Variants in FAXDC2 observed in about 807,000 individuals in gnomAD.
The protein encoded by FAXDC2 is fatty acid hydroxylase domain-containing protein 2.
A neutral mutation model predicts 40.9 loss-of-function variants in FAXDC2; 41 were observed. The ratio of observed to expected loss-of-function variants is 1.00; its 90% confidence interval spans 0.78 to 1.30. The LOEUF (loss-of-function observed/expected upper bound fraction) is 1.30. Ranked by LOEUF, FAXDC2 falls within the 50% of genes most tolerant of loss-of-function variation. FAXDC2 has a pLI of 0.00. For missense variants in FAXDC2, 390 were observed against 408.8 expected, an observed-to-expected ratio of 0.95 and a Z score of 0.40; for synonymous variants, 157 against 149.3, an observed-to-expected ratio of 1.05 and a Z score of -0.38.
rs1309140876 is a variant in FAXDC2 at position 154,819,293 on chromosome 5, A to G, written c.*1023T>C. On this transcript the variant is annotated 3_prime_UTR_variant, in exon 9 of 9. Transcript: ENST00000326080. ...AGGCCAGGATGGGGACTTCAACCCA[A>G]GCAGCTGTGGTTTTGCCTTTGATAA... 6.6e-6 allele frequency: 1 copy of G among 152,190 alleles called. No homozygotes were observed. The highest frequency in any genetic ancestry group is 1.5e-5 in the Non-Finnish European group (1 of 68,038). 9.4% of individuals were successfully genotyped at this position (152,190 alleles called of 1,614,324 possible).
chr5:154,837,828 G>A (rs1760388202), intron 2 of FAXDC2, among the ~76,000 whole-genome samples: 1 of 152,182 alleles, frequency 6.6e-6, no homozygotes, highest in South Asian at 2.1e-4. Flanking sequence ...GTTTTCCAAA[G>A]GCCCGAGGCA....
At position 154,820,456 on chromosome 5, in the gene FAXDC2, CA is replaced by C. The variant is rs1256756863; in HGVS notation, c.861del (p.Tyr287Ter). ...DYHHLKFNQC[Y>X]GVLGVLDHLH... ...AGGTGGTCCAGCACACCCAGCACCC[CA>C]TAGCACTGGTTGAACCTAGAAGAGA... On this transcript the variant is annotated frameshift_variant, in exon 9 of 9. Coordinates refer to ENST00000326080, the MANE Select transcript of FAXDC2 (RefSeq NM_032385.5). LOFTEE classifies it high-confidence loss of function. The C allele has an allele frequency of 6.2e-7, 1 of 1,611,996 alleles. No individual in the cohort carries two copies. Among genetic ancestry groups the C allele is most frequent in the East Asian group, 2.2e-5 (1 of 44,808 alleles).
Position 154,839,153 on chromosome 5 carries a change from A to C in FAXDC2, c.1-975T>G, listed in dbSNP as rs2088530551. On this transcript the variant is annotated intron_variant, in intron 1 of 8. Coordinates refer to ENST00000326080, the MANE Select transcript of FAXDC2 (RefSeq NM_032385.5). ...CCAGCCTGGCCAACACCGCAAAACC[A>C]CATCTCTACTGAAAACACAAAAATT... Among the ~76,000 whole-genome samples the C allele has an allele frequency of 1.3e-5, 2 of 151,434 alleles. 1 individual carries two copies. Among genetic ancestry groups the C allele is most frequent in the South Asian group, 4.2e-4 (2 of 4,782 alleles).
chr5:154,830,289 T>C (rs1247224810), intron 5 of FAXDC2: 1 of 153,496 alleles, frequency 6.5e-6, no homozygotes, highest in Non-Finnish European at 1.5e-5. Context: ...GGATTTGCCC[T>C]GGTGCCTTTC....
At chr5:154,825,100 T>TA (rs1759989216) in intron 5 of FAXDC2, among the ~76,000 whole-genome samples, 1 of 149,406 alleles carries the variant, frequency 6.7e-6, no homozygotes, top group African/African-American at 2.5e-5. Flanking sequence ...CGCTGTGGCT[T>TA]ACGCCTGTAA....
intron 1 of FAXDC2, among the ~76,000 whole-genome samples, chr5:154,845,517 G>C (rs1760577239): frequency 6.6e-6 from 1 of 152,102 alleles, no homozygotes; most frequent in Non-Finnish European, 1.5e-5. Context: ...CACTTTGAGA[G>C]GCTGAAGCGG....
At chr5:154,820,747 C>T in intron 8 of FAXDC2, 1 of 336,962 alleles carries the variant, frequency 3.0e-6, no homozygotes, top group Non-Finnish European at 5.6e-6. Context: ...CAGAACTAGG[C>T]TTCTTCAGGT....
intron 8 of FAXDC2, 78 bp downstream of exon 8, chr5:154,821,173 TGAGATACCA>T (rs1759878195): frequency 8.9e-7 from 1 of 1,122,590 alleles, no homozygotes; most frequent in Non-Finnish European, 1.3e-6. Flanking sequence ...ACATGTAAAC[TGAGATACCA>T]GTGCCTGCTA....
Position 154,822,514 on chromosome 5 carries a change from G to A in FAXDC2, c.636C>T (p.Pro212=). ...IHKKHHEWTA[P]IGVISLYAHP... ...GGGCATAGAGAGAGATCACGCCAAT[G>A]GGAGCTGTCCACTCATGGTGTTTCT... Residue 212 remains proline, a synonymous_variant, in exon 7 of 9, where the codon CCC becomes CCT. Coordinates refer to ENST00000326080, the MANE Select transcript of FAXDC2 (RefSeq NM_032385.5). 2 of 1,614,126 alleles carry A rather than the reference G, an allele frequency of 1.2e-6. No homozygotes were observed. Among genetic ancestry groups the A allele is most frequent in the Non-Finnish European group, 8.5e-7 (1 of 1,179,974 alleles).
chr5:154,819,275 G>C lies in FAXDC2; in HGVS notation c.*1041C>G, dbSNP rs1236945676. Reference sequence around the variant, plus strand: ...TGTCTGGCGGCTGAGAGGAGGCCAGGATGGGGACTTCAACCCAAGCAGCTG... The same window carrying C: ...TGTCTGGCGGCTGAGAGGAGGCCAGCATGGGGACTTCAACCCAAGCAGCTG... On this transcript the variant is annotated 3_prime_UTR_variant, in exon 9 of 9. Transcript: ENST00000326080. 2 of 152,184 alleles carry C rather than the reference G, an allele frequency of 1.3e-5. No individual in the cohort carries two copies. Among genetic ancestry groups the C allele is most frequent in the Non-Finnish European group, 2.9e-5 (2 of 68,032 alleles). 9.4% of individuals were successfully genotyped at this position (152,184 alleles called of 1,614,324 possible).
At chr5:154,841,864 T>C (rs546301773) in intron 1 of FAXDC2, among the ~76,000 whole-genome samples, 273 of 152,100 alleles carry the variant, frequency 1.8e-3, no homozygotes, top group Non-Finnish European at 2.5e-3. Context: ...GTCTCCCAAG[T>C]AGCTGGGATT....
rs1301663919 is a variant in FAXDC2, at chr5:154,821,497, C to G, written c.679-71G>C. ...GGACTTAGTTGGGTATACACTTAGT[C>G]CCAAGGTGGTACCAGAGGCAAACTT... On this transcript the variant is annotated intron_variant, in intron 7 of 8. Transcript: ENST00000326080. 3.1e-6 allele frequency: 4 copies of G among 1,284,668 alleles called. No homozygotes were observed. The African/African-American group carries it at 6.2e-5, about 20-fold the overall frequency. 79.6% of individuals were successfully genotyped at this position (1,284,668 alleles called of 1,614,324 possible).
intron 5 of FAXDC2, chr5:154,824,200 C>T (rs1759962677): frequency 4.5e-6 from 2 of 448,326 alleles, no homozygotes; most frequent in Admixed American, 6.9e-5. Context: ...GTCCACTGTA[C>T]AGAGCTGGTC....
At chr5:154,841,045 G>A (rs1003454124) in intron 1 of FAXDC2, among the ~76,000 whole-genome samples, 20 of 152,268 alleles carry the variant, frequency 1.3e-4, no homozygotes, top group African/African-American at 3.6e-4. Flanking sequence ...GAGAAATACC[G>A]AGGCATCTGA....
intron 7 of FAXDC2, among the ~76,000 whole-genome samples, chr5:154,821,769 G>A (rs937508655): frequency 6.6e-6 from 1 of 151,962 alleles, no homozygotes; most frequent in Non-Finnish European, 1.5e-5. Context: ...AAAATAGCAG[G>A]ATCCCGACTC....
At chr5:154,843,498 T>C (rs1160772433) in intron 1 of FAXDC2, among the ~76,000 whole-genome samples, 1 of 152,204 alleles carries the variant, frequency 6.6e-6, no homozygotes, top group Non-Finnish European at 1.5e-5. Flanking sequence ...GGGCTAGAGG[T>C]CTATGCCAGA....
chr5:154,828,607 T>TC (rs920660044), intron 5 of FAXDC2, among the ~76,000 whole-genome samples: 2 of 150,846 alleles, frequency 1.3e-5, no homozygotes, highest in African/African-American at 4.9e-5. Context: ...GTTTTTTTTT[T>TC]CCCCCTAGAG....
intron 7 of FAXDC2, 109 bp from the exon 8 acceptor site, chr5:154,821,535 T>C: frequency 1.3e-6 from 1 of 785,264 alleles, no homozygotes; most frequent in Non-Finnish European, 2.0e-6. Context: ...TTGACCCAGA[T>C]CTGGAGAAGG....
At position 154,835,883 on chromosome 5, in the gene FAXDC2, C is replaced by CT. The variant is rs869068025; in HGVS notation, c.49-950dup. Among the ~76,000 whole-genome samples, 371 of 47,882 alleles carry CT rather than the reference C, an allele frequency of 7.7e-3. 68 individuals carry two copies. The highest frequency in any genetic ancestry group is 0.016 in the East Asian group (35 of 2,204). 31.4% of individuals were successfully genotyped at this position (47,882 alleles called of 152,430 possible). A position where few individuals can be genotyped will look rare whatever the true frequency, so the allele number is the denominator to read the frequency against. On this transcript the variant is annotated intron_variant, in intron 2 of 8. Transcript: ENST00000326080. ...GGAGTGAGCCACCGCGCCCGGCCGACTTTTTTTTTTTTTTTTTTTTTTTTT... is the reference window on the plus strand; with the variant it reads ...GGAGTGAGCCACCGCGCCCGGCCGACTTTTTTTTTTTTTTTTTTTTTTTTTT...
Sources: gnomAD v4.1 joint callset for allele counts (sites outside exome capture counted in the v4.1 genomes callset) on GRCh38, gnomAD v4.1.1 for gene constraint, MANE v1.5 for transcripts, NCBI Gene and HGNC (gene_info 2026-07-23, HGNC 2026-07-21) for gene names.